Variants in LRRC28 observed in about 807,000 individuals in gnomAD.
The protein encoded by LRRC28 is leucine rich repeat containing 28, also known as leucine-rich repeat-containing protein 28.
LRRC28 carries 39 observed loss-of-function variants against 45.7 expected under a neutral mutation model. That is an observed-to-expected ratio of 0.85 (90% CI 0.66 to 1.12). LRRC28 has a LOEUF of 1.12. Ranked by LOEUF, LRRC28 falls within the 50% of genes most tolerant of loss-of-function variation. The probability of loss-of-function intolerance (pLI) is 0.00; values close to 1 mark genes in which losing one functional copy is unlikely to be tolerated. For missense variants in LRRC28, 435 were observed against 438.5 expected (o/e 0.99, Z 0.07); for synonymous variants, 206 against 178.8 (o/e 1.15, Z -1.22).
At chr15:99,313,626 A>G (rs945706562) in intron 5 of LRRC28, among the ~76,000 whole-genome samples, 6 of 152,142 alleles carry the variant, frequency 3.9e-5, no homozygotes, top group Non-Finnish European at 7.4e-5. Context: ...AGCCCTTTTA[A>G]TATTTCTTAT....
At chr15:99,281,840 G>A (rs72758808) in intron 3 of LRRC28, among the ~76,000 whole-genome samples, 4,525 of 152,228 alleles carry the variant, frequency 0.03, 99 homozygotes, top group Non-Finnish European at 0.045. Flanking sequence ...TACCTCAAAT[G>A]ATCAACAAGG....
intron 5 of LRRC28, chr15:99,317,340 A>G (rs1955634652): frequency 6.6e-6 from 1 of 152,214 alleles, no homozygotes; most frequent in Non-Finnish European, 1.5e-5. Flanking sequence ...TGCGGTGGCC[A>G]AATGTATGGG....
intron 6 of LRRC28, among the ~76,000 whole-genome samples, chr15:99,349,652 C>G (rs993366473): frequency 1.4e-4 from 21 of 152,214 alleles, no homozygotes; most frequent in Admixed American, 1.2e-3. Context: ...AGCTGACAAA[C>G]TGAGAGAAAG....
intron 7 of LRRC28, among the ~76,000 whole-genome samples, chr15:99,357,881 T>C (rs925322354): frequency 3.3e-5 from 5 of 152,120 alleles, no homozygotes; most frequent in African/African-American, 1.2e-4. Context: ...AATGATGATG[T>C]ATTCAAACTA....
intron 9 of LRRC28, among the ~76,000 whole-genome samples, chr15:99,373,962 C>T (rs938299470): frequency 6.6e-6 from 1 of 152,168 alleles, no homozygotes; most frequent in Non-Finnish European, 1.5e-5. Context: ...CTGTGTCTAT[C>T]TCTTAGTCAA....
At chr15:99,358,018 G>A (rs1597422683) in intron 7 of LRRC28, among the ~76,000 whole-genome samples, 1 of 152,180 alleles carries the variant, frequency 6.6e-6, no homozygotes, top group East Asian at 1.9e-4. Flanking sequence ...GAACCAGAAA[G>A]ACCTTTATAG....
At chr15:99,252,780 C>A (rs148887962) in intron 1 of LRRC28, among the ~76,000 whole-genome samples, 13 of 152,164 alleles carry the variant, frequency 8.5e-5, no homozygotes, top group East Asian at 3.9e-4. Flanking sequence ...TTTTAAGTCC[C>A]TGGATACATG....
chr15:99,276,628 T>A lies in LRRC28; in HGVS notation c.209+12T>A, dbSNP rs2081623822. 1.3e-6 allele frequency: 2 copies of A among 1,511,024 alleles called. No homozygotes were observed. The highest frequency in any genetic ancestry group is 1.8e-6 in the Non-Finnish European group (2 of 1,131,902). The allele number at this position is 1,511,024 out of a possible 1,614,324, so 93.6% of individuals were successfully genotyped here. ...AACCTTGTGGAACTGTGAGTCTGTT[T>A]ATTCAAATTTTTTAAAGACAAGAAT... On this transcript the variant is annotated intron_variant, in intron 3 of 9. Coordinates refer to ENST00000301981, the MANE Select transcript of LRRC28 (RefSeq NM_144598.5).
At chr15:99,298,928 C>G (rs1425945246) in intron 5 of LRRC28, among the ~76,000 whole-genome samples, 1 of 152,148 alleles carries the variant, frequency 6.6e-6, no homozygotes, top group Non-Finnish European at 1.5e-5. Flanking sequence ...AGGCTGGTCT[C>G]CAACTCCTGA....
chr15:99,337,513 T>A (rs1019160518), intron 6 of LRRC28, among the ~76,000 whole-genome samples: 1 of 152,066 alleles, frequency 6.6e-6, no homozygotes, highest in Non-Finnish European at 1.5e-5. Context: ...GAGGTGGGCA[T>A]CTCTTCTTTG....
At chr15:99,271,351 T>C (rs2081473681) in intron 2 of LRRC28, among the ~76,000 whole-genome samples, 1 of 151,908 alleles carries the variant, frequency 6.6e-6, no homozygotes, top group Non-Finnish European at 1.5e-5. Context: ...CCATCTTGGC[T>C]CACTGCAACC....
chr15:99,259,944 A>G lies in LRRC28; in HGVS notation c.168+3819A>G. 4.5e-6 allele frequency: 3 copies of G among 673,340 alleles called. No individual in the cohort carries two copies. The South Asian group carries it at 5.0e-5, about 11-fold the overall frequency. The allele number at this position is 673,340 out of a possible 1,614,324, so 41.7% of individuals were successfully genotyped here. On this transcript the variant is annotated intron_variant, in intron 2 of 9. Transcript: ENST00000301981. ...GAAGACAAAGAGCAAGACAAAGACA[A>G]AGAAATGGATGTGGGAACAGATGAA...
intron 5 of LRRC28, among the ~76,000 whole-genome samples, chr15:99,301,596 A>G (rs530251443): frequency 6.6e-6 from 1 of 152,182 alleles, no homozygotes; most frequent in Non-Finnish European, 1.5e-5. Context: ...GTGGTAGGTA[A>G]ATTTTAACAT....
intron 3 of LRRC28, among the ~76,000 whole-genome samples, chr15:99,284,451 G>A (rs1246198460): frequency 6.6e-6 from 1 of 152,130 alleles, no homozygotes; most frequent in African/African-American, 2.4e-5. Flanking sequence ...TACAGTCCTC[G>A]AGTTTTTTGC....
At chr15:99,331,475 T>C (rs1956156088) in intron 5 of LRRC28, among the ~76,000 whole-genome samples, 1 of 152,206 alleles carries the variant, frequency 6.6e-6, no homozygotes, top group Non-Finnish European at 1.5e-5. Context: ...TCAAATTCTA[T>C]TGCACTGCCT....
At chr15:99,331,830 A>G (rs989990822) in intron 5 of LRRC28, 3 of 152,312 alleles carry the variant, frequency 2.0e-5, no homozygotes, top group South Asian at 2.1e-4. Context: ...ACCCCCCGCC[A>G]TGCCCTGCTG....
At chr15:99,283,396 G>A (rs1488752840) in intron 3 of LRRC28, among the ~76,000 whole-genome samples, 2 of 149,706 alleles carry the variant, frequency 1.3e-5, no homozygotes, top group African/African-American at 2.5e-5. Context: ...GGTGGATCAC[G>A]AGGTCAGGAG....
intron 6 of LRRC28, among the ~76,000 whole-genome samples, chr15:99,345,769 T>C (rs2152309160): frequency 6.6e-6 from 1 of 152,358 alleles, no homozygotes. Context: ...AAAAACATAT[T>C]GTATGGTGAT....
chr15:99,310,310 A>AATAC (rs1955357430), intron 5 of LRRC28, among the ~76,000 whole-genome samples: 1 of 152,232 alleles, frequency 6.6e-6, no homozygotes, highest in Non-Finnish European at 1.5e-5. Context: ...AATTATAGTT[A>AATAC]ATACATATAG....
Sources: gnomAD v4.1 joint callset for allele counts (sites outside exome capture counted in the v4.1 genomes callset) on GRCh38, gnomAD v4.1.1 for gene constraint, MANE v1.5 for transcripts, NCBI Gene and HGNC (gene_info 2026-07-23, HGNC 2026-07-21) for gene names.